The following GMPS variants were observed in gnomAD, a reference collection of about 807,000 sequenced individuals.
GMPS encodes GMP synthase [glutamine-hydrolyzing].
GMPS carries 15 observed loss-of-function variants against 77.9 expected under a neutral mutation model. The observed-to-expected ratio is 0.19, with a 90% CI of 0.13 to 0.30. The LOEUF (loss-of-function observed/expected upper bound fraction) is 0.30. GMPS is among the 10% of genes least tolerant of loss of function. The probability of loss-of-function intolerance (pLI) is 1.00; values close to 1 mark genes in which losing one functional copy is unlikely to be tolerated. For synonymous variants in GMPS, 224 were observed against 275.9 expected (o/e 0.81, Z 1.86); for missense variants, 590 against 838.8 (o/e 0.70, Z 3.66).
At chr3:155,933,059 G>T (rs1755665418) in intron 13 of GMPS, among the ~76,000 whole-genome samples, 1 of 152,146 alleles carries the variant, frequency 6.6e-6, no homozygotes, top group African/African-American at 2.4e-5. Context: ...AGGCATGGTG[G>T]TGTGTGCCTG....
At chr3:155,915,928 A>C in intron 8 of GMPS, 91 bp from the exon 9 acceptor site, 1 of 762,838 alleles carries the variant, frequency 1.3e-6, no homozygotes, top group Non-Finnish European at 2.1e-6. Flanking sequence ...AGTATTTCTA[A>C]AGGACTCTAA....
chr3:155,911,376 GTATGCTCAAGGTTGAAAATGTTTTT>G, intron 7 of GMPS, 97 bp downstream of exon 7: 1 of 673,972 alleles, frequency 1.5e-6, no homozygotes, highest in East Asian at 3.0e-5. Context: ...AGTTTTCTCA[GTATGCTCAAGGTTGAAAATGTTTTT>G]TATTTTTACA....
At position 155,870,807 on chromosome 3, in the gene GMPS, C is replaced by T. The variant is rs1480707037; in HGVS notation, c.-64C>T. On this transcript the variant is annotated 5_prime_UTR_variant, in exon 1 of 16. Transcript: ENST00000496455. ...ACCTCAGCCCGCGGCGCCGACCCTT[C>T]CGGCACCCTCCCGCCCCGTCTCGTA... is the stretch of plus-strand genomic sequence containing the variant. 6 of 1,171,100 alleles carry T rather than the reference C, an allele frequency of 5.1e-6. No homozygotes were observed. Among genetic ancestry groups the T allele is most frequent in the African/African-American group, 1.6e-5 (1 of 62,856 alleles). The allele number at this position is 1,171,100 out of a possible 1,614,324, so 72.5% of individuals were successfully genotyped here. A position where few individuals can be genotyped will look rare whatever the true frequency, so the allele number is the denominator to read the frequency against.
At chr3:155,924,893 A>T (rs1473805778) in intron 11 of GMPS, among the ~76,000 whole-genome samples, 1 of 135,976 alleles carries the variant, frequency 7.4e-6, no homozygotes, top group Non-Finnish European at 1.6e-5. Context: ...CAGGTAAATA[A>T]AAAAAAAGAA....
rs997887078 is a variant in GMPS at position 155,920,578 on chromosome 3, AAAAAAAAAAAAG to A, written c.1318+1252_1318+1263del. ...CAACAGAGCATGACTCCATCTTAAA[AAAAAAAAAAAAG>A]AAAAAAAAAAAAGAAAAGAATGATC... On this transcript the variant is annotated intron_variant, in intron 10 of 15. Transcript: ENST00000496455. Among the ~76,000 whole-genome samples the A allele has an allele frequency of 1.7e-4, 25 of 149,316 alleles. 1 individual carries two copies. The East Asian group carries it at 3.7e-3, about 22-fold the overall frequency.
At chr3:155,923,448 T>A (rs1755370307) in intron 11 of GMPS, among the ~76,000 whole-genome samples, 1 of 151,982 alleles carries the variant, frequency 6.6e-6, no homozygotes, top group Admixed American at 6.6e-5. Context: ...ATGTAACACA[T>A]CTCAAGCAGA....
intron 12 of GMPS, among the ~76,000 whole-genome samples, chr3:155,928,808 T>C (rs1448188762): frequency 6.6e-6 from 1 of 150,472 alleles, no homozygotes; most frequent in East Asian, 2.0e-4. Context: ...GTTCTTGCGA[T>C]AGTTTACTGA....
At chr3:155,893,769 C>A in intron 2 of GMPS, 70 bp downstream of exon 2, 1 of 762,996 alleles carries the variant, frequency 1.3e-6, no homozygotes, top group Non-Finnish European at 2.0e-6. Context: ...TATTAATTTT[C>A]TTGAGCACTG....
chr3:155,936,475 A>G lies in GMPS; in HGVS notation c.1945A>G (p.Ile649Val). ...TFITSDFMTG[I>V]PATPGNEIPV... is the part of the protein sequence containing the mutation. ...TATTACTAGTGACTTCATGACTGGT[A>G]TACCTGCAACACCTGGCAATGAGAT... Residue 649 changes from isoleucine (I) to valine (V), a missense_variant, in exon 15 of 16, where the codon ATA (isoleucine) becomes GTA (valine). Transcript: ENST00000496455. 1.2e-6 allele frequency: 2 copies of G among 1,608,682 alleles called. No homozygotes were observed. The highest frequency in any genetic ancestry group is 1.7e-6 in the Non-Finnish European group (2 of 1,175,048).
intron 1 of GMPS, among the ~76,000 whole-genome samples, chr3:155,875,401 T>C (rs1001887036): frequency 2.0e-5 from 3 of 152,120 alleles, no homozygotes; most frequent in Non-Finnish European, 4.4e-5. Context: ...TGGCTAACTT[T>C]TGTATTTTTA....
chr3:155,906,541 A>G (rs1485954524), intron 5 of GMPS, among the ~76,000 whole-genome samples: 64 of 152,188 alleles, frequency 4.2e-4, no homozygotes, highest in Admixed American at 4.2e-3. Flanking sequence ...ATAAAACACT[A>G]TACTTTTGTA....
intron 8 of GMPS, 132 bp downstream of exon 8, chr3:155,914,702 T>C (rs1755128775): frequency 1.1e-5 from 6 of 539,716 alleles, no homozygotes; most frequent in African/African-American, 2.0e-5. Context: ...CTGAGAGTTT[T>C]ATTGTATATT....
intron 1 of GMPS, among the ~76,000 whole-genome samples, chr3:155,883,817 A>G (rs1218926597): frequency 6.6e-6 from 1 of 152,192 alleles, no homozygotes; most frequent in African/African-American, 2.4e-5. Flanking sequence ...CAGAACAACT[A>G]ATCAGACTGA....
chr3:155,901,081 C>T (rs1270838057), intron 3 of GMPS, among the ~76,000 whole-genome samples: 6 of 152,108 alleles, frequency 3.9e-5, no homozygotes, highest in Non-Finnish European at 8.8e-5. Flanking sequence ...TTACATCCCC[C>T]AGCCTAAAAA....
At chr3:155,871,194 G>C (rs995043344) in intron 1 of GMPS, among the ~76,000 whole-genome samples, 7 of 152,052 alleles carry the variant, frequency 4.6e-5, no homozygotes, top group African/African-American at 1.4e-4. Flanking sequence ...GTGGGGCGCA[G>C]AGCCCGCGAG....
intron 3 of GMPS, among the ~76,000 whole-genome samples, 173 bp downstream of exon 3, chr3:155,898,214 A>G (rs1754648059): frequency 6.6e-6 from 1 of 152,228 alleles, no homozygotes; most frequent in Non-Finnish European, 1.5e-5. Flanking sequence ...CTGGCCTGAT[A>G]GGGAATCTAT....
At chr3:155,910,531 T>G (rs1755011548) in intron 5 of GMPS, among the ~76,000 whole-genome samples, 161 bp from the exon 6 acceptor site, 1 of 136,664 alleles carries the variant, frequency 7.3e-6, no homozygotes. Context: ...ATCATGCCAC[T>G]GCACTCCAGC....
intron 13 of GMPS, among the ~76,000 whole-genome samples, chr3:155,933,425 GAGA>G (rs1303883667): frequency 6.6e-6 from 1 of 152,174 alleles, no homozygotes; most frequent in African/African-American, 2.4e-5. Flanking sequence ...TGTAAGAAAT[GAGA>G]AGGTGAAAAG....
intron 2 of GMPS, among the ~76,000 whole-genome samples, chr3:155,894,410 G>C (rs1754551470): frequency 6.6e-6 from 1 of 152,118 alleles, no homozygotes; most frequent in Non-Finnish European, 1.5e-5. Flanking sequence ...TTTTAGTACA[G>C]AACGGGTTTC....
Sources: gnomAD v4.1 joint callset for allele counts (sites outside exome capture counted in the v4.1 genomes callset) on GRCh38, gnomAD v4.1.1 for gene constraint, MANE v1.5 for transcripts, NCBI Gene and HGNC (gene_info 2026-07-23, HGNC 2026-07-21) for gene names.